The following NRROS variants were observed in gnomAD, a reference collection of about 807,000 sequenced individuals.
NRROS encodes the protein negative regulator of reactive oxygen species.
In NRROS, 6 loss-of-function variants were observed where a neutral mutation model predicts 12.0. The ratio of observed to expected loss-of-function variants is 0.50; its 90% CI spans 0.27 to 0.98. The LOEUF is 0.98. Among genes scored for constraint, NRROS ranks in the 50% least tolerant of loss-of-function variants. NRROS has a pLI of 0.11. For missense variants in NRROS, 857 were observed against 888.2 expected, an observed-to-expected ratio of 0.96 and a Z score of 0.45; for synonymous variants, 462 against 410.2, an observed-to-expected ratio of 1.13 and a Z score of -1.53.
chr3:196,661,205 T>C lies in NRROS; in HGVS notation c.1562T>C (p.Met521Thr). The C allele has an allele frequency of 6.2e-7, 1 of 1,613,830 alleles. No homozygotes were observed. Among genetic ancestry groups the C allele is most frequent in the Non-Finnish European group, 8.5e-7 (1 of 1,179,894 alleles). ...TTACAGGTCCTGTCTCTCAGGAACA[T>C]GGGCCTCCACTCCAGCTTTATGGCG... ...PMLQVLSLRN[M>T]GLHSSFMALD... The change falls in exon 3 of 3, where the codon ATG becomes ACG. Residue 521 changes from methionine (M) to threonine (T), a missense_variant. Met to Thr is a moderately conservative substitution (Grantham distance 81, BLOSUM62 -1). Transcript: ENST00000328557.
rs73892918 is a variant in NRROS at position 196,652,530 on chromosome 3, G to T, written c.-13-1997G>T. On this transcript the variant is annotated intron_variant, in intron 1 of 2. Transcript: ENST00000328557. ...GCAGAATTCAAACTCTGGTCTGCTT[G>T]GTTCCAAATTCCATGATCTTCCCAT... 4.5e-3 allele frequency among the ~76,000 whole-genome samples: 678 copies of T among 152,292 alleles called. 5 individuals carry two copies. Among genetic ancestry groups the T allele is most frequent in the African/African-American group, 0.016 (652 of 41,572 alleles).
intron 2 of NRROS, among the ~76,000 whole-genome samples, chr3:196,656,425 C>T (rs1737538365): frequency 6.6e-6 from 1 of 152,142 alleles, no homozygotes; most frequent in Admixed American, 6.5e-5. Context: ...TAGCTGGTGA[C>T]ATTGGGGTCA....
At chr3:196,649,662 G>C (rs112720143) in intron 1 of NRROS, among the ~76,000 whole-genome samples, 10,777 of 152,006 alleles carry the variant, frequency 0.071, 718 homozygotes, top group African/African-American at 0.18. Context: ...TAGTAGAGAC[G>C]GGGTTTCACT....
intron 1 of NRROS, among the ~76,000 whole-genome samples, chr3:196,641,211 ATATTTATT>A (rs557844856): frequency 1.4e-3 from 214 of 151,946 alleles, no homozygotes; most frequent in Non-Finnish European, 2.1e-3. Flanking sequence ...AAAAATATAT[ATATTTATT>A]TATTTATTTT....
intron 1 of NRROS, among the ~76,000 whole-genome samples, chr3:196,640,266 T>G (rs571713889): frequency 1.3e-5 from 2 of 152,296 alleles, no homozygotes; most frequent in Non-Finnish European, 2.9e-5. Flanking sequence ...CTCCCTGGGC[T>G]GGGCGACTGG....
At chr3:196,641,140 A>AAAAACAAAACAAAACAAAAC (rs141716665) in intron 1 of NRROS, among the ~76,000 whole-genome samples, 129 of 150,458 alleles carry the variant, frequency 8.6e-4, no homozygotes, top group African/African-American at 3.0e-3. Flanking sequence ...TTTAGGTTAA[A>AAAAACAAAACAAAACAAAAC]AAAACAAAAC....
chr3:196,660,586 A>G lies in NRROS; in HGVS notation c.943A>G (p.Thr315Ala), dbSNP rs867820657. ...GGACGGCAACGTGACCAACATCACC[A>G]CCGTCAGCCTCTGGGAAGAATTCTC... ...LVDGNVTNIT[T>A]VSLWEEFSSS... The change falls in exon 3 of 3, where the codon ACC becomes GCC. Residue 315 changes from threonine (T) to alanine (A), a missense_variant. Transcript: ENST00000328557. The surrounding 1 kb of genome is among the most constrained non-coding windows in gnomAD (Gnocchi z 7.7). The G allele has an allele frequency of 2.5e-6, 4 of 1,614,112 alleles. No homozygotes were observed. The highest frequency in any genetic ancestry group is 3.3e-4 in the Middle Eastern group (2 of 6,062).
chr3:196,658,931 T>C lies in NRROS; in HGVS notation c.109-821T>C, dbSNP rs184226517. 1.4e-4 allele frequency among the ~76,000 whole-genome samples: 22 copies of C among 152,138 alleles called. 1 individual carries two copies. Among genetic ancestry groups the C allele is most frequent in the South Asian group, 6.2e-4 (3 of 4,812 alleles). On this transcript the variant is annotated intron_variant, in intron 2 of 2. Coordinates refer to ENST00000328557, the MANE Select transcript of NRROS (RefSeq NM_198565.3). Reference sequence around the variant, plus strand: ...ATTGCAGTGAGCTGAGATCACACCATTGCACTCCAGCCTGGGTGACAGGGT... The same window carrying C: ...ATTGCAGTGAGCTGAGATCACACCACTGCACTCCAGCCTGGGTGACAGGGT...
At position 196,661,551 on chromosome 3, in the gene NRROS, T is replaced by C; in HGVS notation, c.1908T>C (p.Gly636=). 6.2e-7 allele frequency: 1 copy of C among 1,613,906 alleles called. No individual in the cohort carries two copies. The highest frequency in any genetic ancestry group is 8.5e-7 in the Non-Finnish European group (1 of 1,179,996). ...KIIRVTELPG[G]VPRDCKWERL... ...TCCGCGTGACGGAGCTGCCCGGAGG[T>C]GTGCCTCGGGACTGCAAGTGGGAGC... Residue 636 remains glycine (G), a synonymous_variant, in exon 3 of 3, where the codon GGT becomes GGC. Transcript: ENST00000328557.
rs1361415184 is a variant in NRROS at position 196,654,172 on chromosome 3, A to G, written c.-13-355A>G. ...CATCAGACCGATTGGAGCTGGAGGC[A>G]GGAAAACTTCAGCAGAATTACAAAA... On this transcript the variant is annotated intron_variant, in intron 1 of 2. Coordinates refer to ENST00000328557, the MANE Select transcript of NRROS (RefSeq NM_198565.3). The surrounding 1 kb of genome is among the most constrained non-coding windows in gnomAD (Gnocchi z 4.4). Among the ~76,000 whole-genome samples, 1 of 152,218 alleles carries G rather than the reference A, an allele frequency of 6.6e-6. No individual in the cohort carries two copies. Among genetic ancestry groups the G allele is most frequent in the African/African-American group, 2.4e-5 (1 of 41,458 alleles).
rs1737630473 is a variant in NRROS at position 196,660,064 on chromosome 3, G to C, written c.421G>C (p.Gly141Arg). The C allele has an allele frequency of 3.1e-6, 5 of 1,613,176 alleles. No individual in the cohort carries two copies. The highest frequency in any genetic ancestry group is 4.2e-6 in the Non-Finnish European group (5 of 1,179,992). ...GGGCCTGCGGAGGCTGGACTTGTCA[G>C]GAAACGCCCTGACGGAGGACATGGC... ...LPGLRRLDLSGNALTEDMAAL... is the reference protein window; with the variant it reads ...LPGLRRLDLSRNALTEDMAAL... Residue 141 changes from glycine to arginine, a missense_variant, in exon 3 of 3, where the codon GGA (glycine) becomes CGA (arginine). Coordinates refer to ENST00000328557, the MANE Select transcript of NRROS (RefSeq NM_198565.3). The surrounding 1 kb of genome is among the most constrained non-coding windows in gnomAD (Gnocchi z 7.7).
chr3:196,646,120 C>T (rs1162843447), intron 1 of NRROS, among the ~76,000 whole-genome samples: 1 of 129,176 alleles, frequency 7.7e-6, no homozygotes, highest in Non-Finnish European at 1.6e-5. Flanking sequence ...CATTCAGTCT[C>T]GACACAACCC....
chr3:196,648,796 A>T (rs1737358537), intron 1 of NRROS, among the ~76,000 whole-genome samples: 1 of 143,982 alleles, frequency 6.9e-6, no homozygotes, highest in Non-Finnish European at 1.5e-5. Context: ...AAAAATTCCA[A>T]CATCCACTCA....
rs57963278 is a variant in NRROS at position 196,649,342 on chromosome 3, T to C, written c.-13-5185T>C. Among the ~76,000 whole-genome samples the C allele has an allele frequency of 3.3e-3, 501 of 152,346 alleles. 4 individuals are homozygous for C. The highest frequency in any genetic ancestry group is 0.012 in the African/African-American group (479 of 41,594). On this transcript the variant is annotated intron_variant, in intron 1 of 2. Coordinates refer to ENST00000328557, the MANE Select transcript of NRROS (RefSeq NM_198565.3). ...TGCAGTCAAAGGCAGACTCCCTTTCTTGTGGAGGCCTCCATCCGGCACCGT... is the reference window on the plus strand; with the variant it reads ...TGCAGTCAAAGGCAGACTCCCTTTCCTGTGGAGGCCTCCATCCGGCACCGT...
intron 2 of NRROS, 70 bp from the exon 3 acceptor site, chr3:196,659,682 A>T: frequency 1.4e-6 from 2 of 1,474,244 alleles, no homozygotes; most frequent in South Asian, 1.3e-5. Flanking sequence ...TGATAAGTGA[A>T]CTAAGTTTCT....
chr3:196,645,087 C>A (rs1373222792), intron 1 of NRROS, among the ~76,000 whole-genome samples: 1 of 152,090 alleles, frequency 6.6e-6, no homozygotes, highest in African/African-American at 2.4e-5. Flanking sequence ...TCATAAAAAT[C>A]AAATAATAAG....
chr3:196,644,698 C>T (rs1000173897), intron 1 of NRROS, among the ~76,000 whole-genome samples: 5 of 149,234 alleles, frequency 3.4e-5, no homozygotes, highest in Non-Finnish European at 5.9e-5. Context: ...TCTTGAACCC[C>T]GGAGGCAGAG....
intron 1 of NRROS, among the ~76,000 whole-genome samples, chr3:196,644,324 T>C (rs139586802): frequency 1.0e-4 from 15 of 146,526 alleles, no homozygotes; most frequent in Non-Finnish European, 1.6e-4. Context: ...GCTTGTACCC[T>C]GGAGGCGGAG....
rs1157442484 is a variant in NRROS at position 196,654,814 on chromosome 3, G to T, written c.108+167G>T. On this transcript the variant is annotated intron_variant, in intron 2 of 2. Coordinates refer to ENST00000328557, the MANE Select transcript of NRROS (RefSeq NM_198565.3). The surrounding 1 kb of genome is among the most constrained non-coding windows in gnomAD (Gnocchi z 4.4). Reference sequence around the variant, plus strand: ...CATGTGCAGCTGCCCTTTAACCACAGGATTTTAAGATGCTTCCTGGGAAGA... The same window carrying T: ...CATGTGCAGCTGCCCTTTAACCACATGATTTTAAGATGCTTCCTGGGAAGA... 5.1e-6 allele frequency: 3 copies of T among 582,788 alleles called. No homozygotes were observed. The allele number at this position is 582,788 out of a possible 1,614,324, so 36.1% of individuals were successfully genotyped here.
Sources: gnomAD v4.1 joint callset for allele counts (sites outside exome capture counted in the v4.1 genomes callset) on GRCh38, gnomAD v4.1.1 for gene constraint, Gnocchi (gnomAD v3.1) non-coding constraint, MANE v1.5 for transcripts, NCBI Gene and HGNC (gene_info 2026-07-23, HGNC 2026-07-21) for gene names.